NELL2: variants seen among roughly 807,000 people sequenced by gnomAD.
The protein encoded by NELL2 is neural EGFL like 2.
In NELL2, 41 loss-of-function variants were observed where a neutral mutation model predicts 109.6. The observed-to-expected ratio is 0.37, with a 90% CI of 0.29 to 0.49. The LOEUF is 0.49. Ranked by LOEUF, NELL2 falls within the 20% of genes least tolerant of loss-of-function variation. The pLI is 0.98. For synonymous variants in NELL2, 355 were observed against 344.7 expected (o/e 1.03, Z -0.33); for missense variants, 900 against 1,008.3 (o/e 0.89, Z 1.45).
chr12:44,555,708 T>A (rs538584699), intron 15 of NELL2, among the ~76,000 whole-genome samples: 2 of 152,196 alleles, frequency 1.3e-5, no homozygotes, highest in African/African-American at 2.4e-5. Context: ...ATACCCCAAT[T>A]CAGAAAGCTC....
chr12:44,683,589 G>A (rs1354263821), intron 12 of NELL2, among the ~76,000 whole-genome samples: 11 of 151,660 alleles, frequency 7.3e-5, no homozygotes, highest in African/African-American at 1.9e-4. Context: ...TTTGAGATAC[G>A]TCCCATCAAT....
At chr12:44,870,804 C>T (rs1342162092) in intron 2 of NELL2, among the ~76,000 whole-genome samples, 1 of 152,140 alleles carries the variant, frequency 6.6e-6, no homozygotes, top group African/African-American at 2.4e-5. Context: ...ATGATAGCCT[C>T]CTAATCTTAA....
intron 12 of NELL2, among the ~76,000 whole-genome samples, chr12:44,685,888 T>C (rs1394453472): frequency 6.6e-6 from 1 of 152,168 alleles, no homozygotes; most frequent in Non-Finnish European, 1.5e-5. Flanking sequence ...CCGACAATTA[T>C]GTGTCTTGGT....
intron 15 of NELL2, among the ~76,000 whole-genome samples, chr12:44,604,992 G>A (rs12314678): frequency 0.48 from 73,390 of 151,930 alleles, 18,710 homozygotes; most frequent in African/African-American, 0.65. Context: ...TGGCTTAGAA[G>A]ACTTGGTGGA....
At chr12:44,782,024 TTCTA>T (rs1331555168) in intron 3 of NELL2, among the ~76,000 whole-genome samples, 2 of 152,032 alleles carry the variant, frequency 1.3e-5, no homozygotes, top group Admixed American at 1.3e-4. Flanking sequence ...TTCTCCTCTT[TTCTA>T]AAGTATGTTT....
chr12:44,510,878 A>G (rs1021312781), intron 19 of NELL2, among the ~76,000 whole-genome samples: 2 of 152,202 alleles, frequency 1.3e-5, no homozygotes, highest in African/African-American at 4.8e-5. Flanking sequence ...GCTCAGAGGC[A>G]CAGGTTTTCT....
intron 13 of NELL2, among the ~76,000 whole-genome samples, chr12:44,664,326 T>C (rs995700076): frequency 6.6e-6 from 1 of 152,134 alleles, no homozygotes; most frequent in Non-Finnish European, 1.5e-5. Context: ...TTATATTAAA[T>C]ATCTTCTACC....
At chr12:44,783,393 C>A (rs888846433) in intron 3 of NELL2, among the ~76,000 whole-genome samples, 1 of 150,982 alleles carries the variant, frequency 6.6e-6, no homozygotes, top group Non-Finnish European at 1.5e-5. Flanking sequence ...GAAATCAATA[C>A]AATTTAAAAA....
chr12:44,664,701 C>T (rs1288959191), intron 13 of NELL2, among the ~76,000 whole-genome samples: 1 of 151,992 alleles, frequency 6.6e-6, no homozygotes, highest in Non-Finnish European at 1.5e-5. Flanking sequence ...TTTTATGATT[C>T]TACCTGTTTT....
intron 9 of NELL2, among the ~76,000 whole-genome samples, chr12:44,762,175 T>C (rs1461415037): frequency 6.6e-6 from 1 of 152,216 alleles, no homozygotes; most frequent in Non-Finnish European, 1.5e-5. Flanking sequence ...ATCCAACTAG[T>C]TGCACTACAT....
intron 2 of NELL2, among the ~76,000 whole-genome samples, chr12:44,828,400 A>T (rs1248731705): frequency 6.6e-6 from 1 of 152,128 alleles, no homozygotes; most frequent in African/African-American, 2.4e-5. Context: ...TTCTTACTCC[A>T]ATTAAACCCC....
chr12:44,848,488 GA>G (rs1374471447), intron 2 of NELL2, among the ~76,000 whole-genome samples: 1 of 152,028 alleles, frequency 6.6e-6, no homozygotes, highest in Non-Finnish European at 1.5e-5. Context: ...GTGGGCAAAG[GA>G]TATCAACCCC....
intron 13 of NELL2, among the ~76,000 whole-genome samples, chr12:44,635,382 C>T (rs1946600883): frequency 6.6e-6 from 1 of 152,064 alleles, no homozygotes; most frequent in African/African-American, 2.4e-5. Context: ...AATGGTATTG[C>T]CTAGGTTTTC....
chr12:44,521,683 T>C (rs1486650179), intron 18 of NELL2, among the ~76,000 whole-genome samples: 1 of 152,142 alleles, frequency 6.6e-6, no homozygotes, highest in Non-Finnish European at 1.5e-5. Context: ...ATATTTGTCT[T>C]TAAGTTAGCC....
At chr12:44,644,742 T>G (rs1947030210) in intron 13 of NELL2, among the ~76,000 whole-genome samples, 1 of 150,938 alleles carries the variant, frequency 6.6e-6, no homozygotes, top group African/African-American at 2.4e-5. Flanking sequence ...AGCTAATATT[T>G]ATTGGCTAAA....
At chr12:44,904,546 G>T (rs1945698906) in intron 1 of NELL2, among the ~76,000 whole-genome samples, 1 of 152,224 alleles carries the variant, frequency 6.6e-6, no homozygotes, top group South Asian at 2.1e-4. Flanking sequence ...CATGATGGAA[G>T]GAGATTAGAG....
chr12:44,608,381 G>GT (rs1190065117), intron 14 of NELL2, among the ~76,000 whole-genome samples: 1 of 151,982 alleles, frequency 6.6e-6, no homozygotes, highest in Non-Finnish European at 1.5e-5. Context: ...AAGAATGTGC[G>GT]TGTCAGACCA....
At chr12:44,798,511 A>G (rs1332310292) in intron 3 of NELL2, among the ~76,000 whole-genome samples, 2 of 152,168 alleles carry the variant, frequency 1.3e-5, no homozygotes, top group African/African-American at 4.8e-5. Context: ...ACTCTACAGA[A>G]TGCTATGAAA....
intron 2 of NELL2, among the ~76,000 whole-genome samples, chr12:44,856,802 A>T (rs966883851): frequency 1.3e-5 from 2 of 152,252 alleles, no homozygotes; most frequent in Admixed American, 6.5e-5. Context: ...TGAAACGAAG[A>T]ACCCCTGAAA....
Sources: allele counts gnomAD v4.1 joint callset (sites outside exome capture counted in the v4.1 genomes callset), GRCh38; gene constraint gnomAD v4.1.1; transcripts MANE v1.5; gene names NCBI Gene and HGNC (gene_info 2026-07-23, HGNC 2026-07-21).